EXT1: variants seen among roughly 807,000 people sequenced by gnomAD.
EXT1 encodes exostosin-1.
Under a neutral mutation model 82.5 loss-of-function variants are expected in EXT1, and 20 were observed. That is an observed-to-expected ratio of 0.24 (90% CI 0.17 to 0.35). The LOEUF (loss-of-function observed/expected upper bound fraction) is 0.35. Ranked by LOEUF, EXT1 falls within the 10% of genes least tolerant of loss-of-function variation. The probability of loss-of-function intolerance (pLI) is 1.00; values close to 1 mark genes in which losing one functional copy is unlikely to be tolerated. For missense variants in EXT1, 757 were observed against 936.5 expected, an observed-to-expected ratio of 0.81 and a Z score of 2.50; for synonymous variants, 348 against 350.8, an observed-to-expected ratio of 0.99 and a Z score of 0.09.
At chr8:117,858,845 GA>G (rs1168638649) in intron 1 of EXT1, among the ~76,000 whole-genome samples, 35,060 of 78,042 alleles carry the variant, frequency 0.45, 10,085 homozygotes, top group Middle Eastern at 0.54. Context: ...AGGAAGGAAG[GA>G]AAGAAAGAAA....
intron 1 of EXT1, among the ~76,000 whole-genome samples, chr8:117,985,079 C>A (rs1269135850): frequency 6.6e-6 from 1 of 152,096 alleles, no homozygotes; most frequent in Non-Finnish European, 1.5e-5. Flanking sequence ...CTGCCTGGCT[C>A]CCCAAGAATG....
At chr8:117,848,702 C>G (rs1213302233) in intron 1 of EXT1, among the ~76,000 whole-genome samples, 1 of 152,170 alleles carries the variant, frequency 6.6e-6, no homozygotes, top group Non-Finnish European at 1.5e-5. Context: ...CAGTGACAGC[C>G]AGAGTCTCCT....
At chr8:117,875,298 G>A (rs933567549) in intron 1 of EXT1, among the ~76,000 whole-genome samples, 1 of 152,136 alleles carries the variant, frequency 6.6e-6, no homozygotes, top group Non-Finnish European at 1.5e-5. Flanking sequence ...GTGCGCACTT[G>A]TAATCCCAGA....
At chr8:118,070,167 G>T (rs994135894) in intron 1 of EXT1, among the ~76,000 whole-genome samples, 2 of 150,204 alleles carry the variant, frequency 1.3e-5, no homozygotes, top group African/African-American at 4.9e-5. Context: ...TTTGAAAATT[G>T]TTATTTCACT....
intron 1 of EXT1, among the ~76,000 whole-genome samples, chr8:117,915,286 ATTGT>A (rs1021045027): frequency 2.0e-5 from 3 of 152,018 alleles, no homozygotes; most frequent in African/African-American, 7.2e-5. Flanking sequence ...TTCTGCTGAT[ATTGT>A]TTGAGTGGAA....
intron 1 of EXT1, among the ~76,000 whole-genome samples, chr8:117,937,170 GTA>G (rs1332136258): frequency 6.6e-6 from 1 of 152,138 alleles, no homozygotes; most frequent in African/African-American, 2.4e-5. Flanking sequence ...CAGAGTGGCT[GTA>G]TGTATTTAAT....
chr8:117,820,633 A>AAG (rs1811907787), intron 5 of EXT1, among the ~76,000 whole-genome samples: 2 of 152,100 alleles, frequency 1.3e-5, no homozygotes, highest in South Asian at 4.2e-4. Flanking sequence ...GGTTGCAGTG[A>AAG]GCCAAGATGG....
chr8:118,101,740 C>T (rs2468137), intron 1 of EXT1, among the ~76,000 whole-genome samples: 38,844 of 152,002 alleles, frequency 0.26, 5,160 homozygotes, highest in African/African-American at 0.31. Context: ...CCAATTAACA[C>T]CTACAAATGT....
chr8:118,039,010 CACAGACGCACTCCA>C (rs1339943677), intron 1 of EXT1, among the ~76,000 whole-genome samples: 3 of 152,194 alleles, frequency 2.0e-5, no homozygotes, highest in African/African-American at 4.8e-5. Flanking sequence ...CCTTATCCCA[CACAGACGCACTCCA>C]ACAAGAAGAA....
chr8:118,083,337 G>A (rs569306184), intron 1 of EXT1, among the ~76,000 whole-genome samples: 1 of 152,294 alleles, frequency 6.6e-6, no homozygotes, highest in Admixed American at 6.5e-5. Flanking sequence ...GGAAGACACT[G>A]TACTATTTAA....
intron 1 of EXT1, among the ~76,000 whole-genome samples, chr8:117,872,719 T>C (rs1305498628): frequency 1.3e-5 from 2 of 151,966 alleles, no homozygotes; most frequent in East Asian, 1.9e-4. Context: ...AATGGCAATA[T>C]TATACAATGT....
intron 1 of EXT1, among the ~76,000 whole-genome samples, chr8:117,955,783 C>T (rs1386031930): frequency 6.6e-6 from 1 of 152,178 alleles, no homozygotes; most frequent in Non-Finnish European, 1.5e-5. Flanking sequence ...TCTCTAACTC[C>T]TGGCCTGAAG....
intron 1 of EXT1, among the ~76,000 whole-genome samples, chr8:118,038,275 G>T (rs919167329): frequency 3.3e-5 from 5 of 152,178 alleles, no homozygotes; most frequent in Admixed American, 3.3e-4. Flanking sequence ...GTTGAACAGT[G>T]GGTAAATGAC....
chr8:117,983,390 G>A (rs1815247427), intron 1 of EXT1, among the ~76,000 whole-genome samples: 1 of 151,912 alleles, frequency 6.6e-6, no homozygotes, highest in African/African-American at 2.4e-5. Flanking sequence ...AGGCTGAGGT[G>A]AGAAGATTGC....
At position 117,961,115 on chromosome 8, in the gene EXT1, T is replaced by TATTTCC. The variant is rs1211329857; in HGVS notation, c.963-123915_963-123914insGGAAAT. Reference sequence around the variant, plus strand: ...AGGGCATTTTCTTAGCCAAAGCATTTCTTTCCCTCCTTCCCTCCTTCCCTC... The same window carrying TATTTCC: ...AGGGCATTTTCTTAGCCAAAGCATTTATTTCCCTTTCCCTCCTTCCCTCCTTCCCTC... On this transcript the variant is annotated intron_variant, in intron 1 of 10. Transcript: ENST00000378204. 1.5e-4 allele frequency among the ~76,000 whole-genome samples: 20 copies of TATTTCC among 130,640 alleles called. No homozygotes were observed. In the East Asian group the frequency reaches 3.3e-3, roughly 22 times the overall value. 85.7% of individuals were successfully genotyped at this position (130,640 alleles called of 152,430 possible).
At chr8:118,015,930 G>A (rs935706784) in intron 1 of EXT1, among the ~76,000 whole-genome samples, 7 of 152,224 alleles carry the variant, frequency 4.6e-5, no homozygotes, top group Non-Finnish European at 8.8e-5. Flanking sequence ...GGTGGCAGCA[G>A]GGACTGGAGT....
At chr8:117,962,735 G>A (rs984703964) in intron 1 of EXT1, among the ~76,000 whole-genome samples, 2 of 151,008 alleles carry the variant, frequency 1.3e-5, no homozygotes, top group Middle Eastern at 3.4e-3. Flanking sequence ...CCTAGGGAAT[G>A]GGGAAAGACT....
At chr8:117,807,029 A>T (rs749522693) in intron 9 of EXT1, among the ~76,000 whole-genome samples, 188 bp downstream of exon 9, 111 of 152,200 alleles carry the variant, frequency 7.3e-4, no homozygotes, top group Non-Finnish European at 1.2e-3. Flanking sequence ...AATTTCTGGA[A>T]ATGAAACATG....
intron 1 of EXT1, among the ~76,000 whole-genome samples, chr8:117,925,811 T>C (rs947974487): frequency 2.0e-5 from 3 of 151,234 alleles, no homozygotes; most frequent in Non-Finnish European, 4.4e-5. Flanking sequence ...GGTGGGAGGA[T>C]CACTTGAGCC....
Sources: gnomAD v4.1 joint callset for allele counts (sites outside exome capture counted in the v4.1 genomes callset) on GRCh38, gnomAD v4.1.1 for gene constraint, MANE v1.5 for transcripts, NCBI Gene and HGNC (gene_info 2026-07-23, HGNC 2026-07-21) for gene names.